The following SLC10A7 variants were observed in gnomAD, a reference collection of about 807,000 sequenced individuals.
SLC10A7 encodes solute carrier family 10 member 7.
A neutral mutation model predicts 43.2 loss-of-function variants in SLC10A7; 29 were observed. The ratio of observed to expected loss-of-function variants is 0.67; its 90% CI spans 0.50 to 0.92. The LOEUF (loss-of-function observed/expected upper bound fraction) is 0.92. Ranked by LOEUF, SLC10A7 falls within the 40% of genes least tolerant of loss-of-function variation. SLC10A7 has a pLI of 0.00. For synonymous variants in SLC10A7, 152 were observed against 144.8 expected (o/e 1.05, Z -0.35); for missense variants, 295 against 403.2 (o/e 0.73, Z 2.30).
chr4:146,267,777 C>T (rs1282093995), intron 10 of SLC10A7, among the ~76,000 whole-genome samples: 1 of 152,134 alleles, frequency 6.6e-6, no homozygotes, highest in Non-Finnish European at 1.5e-5. Flanking sequence ...AATTGGAGCT[C>T]TTTAATGATT....
chr4:146,424,173 T>G (rs1461951592), intron 5 of SLC10A7, among the ~76,000 whole-genome samples: 1 of 152,148 alleles, frequency 6.6e-6, no homozygotes, highest in Non-Finnish European at 1.5e-5. Context: ...CACCTCAGCC[T>G]CCAGAGTAGT....
chr4:146,511,609 A>G (rs990282982), intron 2 of SLC10A7, among the ~76,000 whole-genome samples: 1 of 152,228 alleles, frequency 6.6e-6, no homozygotes, highest in African/African-American at 2.4e-5. Flanking sequence ...TACACACAGC[A>G]GTTCCTTCCT....
At chr4:146,470,568 AC>A (rs1733479488) in intron 4 of SLC10A7, among the ~76,000 whole-genome samples, 1 of 152,292 alleles carries the variant, frequency 6.6e-6, no homozygotes, top group South Asian at 2.1e-4. Flanking sequence ...ATGCACAATT[AC>A]CTTTTTGGAA....
At chr4:146,449,295 C>T (rs1408094450) in intron 4 of SLC10A7, among the ~76,000 whole-genome samples, 1 of 152,130 alleles carries the variant, frequency 6.6e-6, no homozygotes, top group East Asian at 1.9e-4. Flanking sequence ...CAAGGAGAGA[C>T]AGTAAGCAGT....
chr4:146,410,482 C>T lies in SLC10A7; in HGVS notation c.435+32301G>A, dbSNP rs972838492. Among the ~76,000 whole-genome samples the T allele has an allele frequency of 4.6e-5, 7 of 152,224 alleles. No homozygotes were observed. In the East Asian group the frequency reaches 1.3e-3, roughly 29 times the overall value. ...AGGAAAGTAGACACACATAGACTTCCTACAATGAGCCAGGCCGACTGTTTT... is the reference window on the plus strand; with the variant it reads ...AGGAAAGTAGACACACATAGACTTCTTACAATGAGCCAGGCCGACTGTTTT... On this transcript the variant is annotated intron_variant, in intron 5 of 11. Coordinates refer to ENST00000335472, the MANE Select transcript of SLC10A7 (RefSeq NM_001029998.6).
chr4:146,480,601 G>A (rs561665969), intron 4 of SLC10A7, among the ~76,000 whole-genome samples: 2 of 151,542 alleles, frequency 1.3e-5, no homozygotes, highest in Non-Finnish European at 2.9e-5. Flanking sequence ...AATGAAGGCT[G>A]GTATATAATA....
chr4:146,397,844 G>A (rs754535288), intron 5 of SLC10A7, among the ~76,000 whole-genome samples: 3 of 152,196 alleles, frequency 2.0e-5, no homozygotes, highest in Non-Finnish European at 2.9e-5. Flanking sequence ...TCTGGGGTAT[G>A]ATTTAACAAT....
chr4:146,504,695 G>A (rs1406503391), intron 3 of SLC10A7, among the ~76,000 whole-genome samples: 1 of 152,068 alleles, frequency 6.6e-6, no homozygotes, highest in African/African-American at 2.4e-5. Flanking sequence ...CAAGACACAA[G>A]CTTACATCTT....
chr4:146,467,221 T>C (rs1733108994), intron 4 of SLC10A7, among the ~76,000 whole-genome samples: 1 of 152,178 alleles, frequency 6.6e-6, no homozygotes, highest in Admixed American at 6.5e-5. Flanking sequence ...TACCAGATTG[T>C]TAGCTCCCAG....
chr4:146,360,113 C>T (rs532575203), intron 5 of SLC10A7, among the ~76,000 whole-genome samples: 90 of 152,268 alleles, frequency 5.9e-4, no homozygotes, highest in African/African-American at 2.1e-3. Context: ...TCACCTGCTA[C>T]ATCTAATCAA....
At chr4:146,371,009 G>C (rs1394040533) in intron 5 of SLC10A7, among the ~76,000 whole-genome samples, 1 of 152,158 alleles carries the variant, frequency 6.6e-6, no homozygotes, top group Non-Finnish European at 1.5e-5. Context: ...AAGAACCTCA[G>C]AATTGAGTCA....
intron 5 of SLC10A7, among the ~76,000 whole-genome samples, chr4:146,329,146 T>C (rs1733360190): frequency 6.6e-6 from 1 of 152,220 alleles, no homozygotes; most frequent in Non-Finnish European, 1.5e-5. Flanking sequence ...GTTCCCAAAA[T>C]AGTAAAAGTT....
rs550407729 is a variant in SLC10A7, at chr4:146,304,823, T to C, written c.555+1103A>G. Among the ~76,000 whole-genome samples, 54 of 152,268 alleles carry C rather than the reference T, an allele frequency of 3.5e-4. 2 individuals are homozygous for C. In the South Asian group the frequency reaches 9.4e-3, roughly 26 times the overall value. ...GTATCCTTGTTGACTTTCTGTCTCG[T>C]TGATCTGTCTAATGTTGACAGTGGG... On this transcript the variant is annotated intron_variant, in intron 7 of 11. Coordinates refer to ENST00000335472, the MANE Select transcript of SLC10A7 (RefSeq NM_001029998.6).
rs972536946 is a variant in SLC10A7 at position 146,276,863 on chromosome 4, A to T, written c.847+6329T>A. ...CAGCTACTCAGGAGACTGAGGTAGG[A>T]GGATGGTTGGAGCCCAGGAGTTGGA... On this transcript the variant is annotated intron_variant, in intron 10 of 11. Transcript: ENST00000335472. Among the ~76,000 whole-genome samples, 7 of 152,048 alleles carry T rather than the reference A, an allele frequency of 4.6e-5. No individual in the cohort carries two copies. In the South Asian group the frequency reaches 1.5e-3, roughly 32 times the overall value.
chr4:146,320,055 G>A (rs948462655), intron 6 of SLC10A7, among the ~76,000 whole-genome samples: 1 of 152,010 alleles, frequency 6.6e-6, no homozygotes, highest in Non-Finnish European at 1.5e-5. Context: ...TGAAAAAAGA[G>A]GCACTGGAGA....
At chr4:146,362,478 A>C (rs778284227) in intron 5 of SLC10A7, among the ~76,000 whole-genome samples, 13 of 152,166 alleles carry the variant, frequency 8.5e-5, no homozygotes, top group Non-Finnish European at 1.5e-4. Flanking sequence ...AAAATATTTC[A>C]ACCTGTAATA....
chr4:146,445,493 G>T (rs757614730), intron 4 of SLC10A7, among the ~76,000 whole-genome samples: 4 of 152,136 alleles, frequency 2.6e-5, no homozygotes, highest in Admixed American at 1.3e-4. Context: ...CATCCAGGAG[G>T]GGGTGTCTGT....
intron 4 of SLC10A7, among the ~76,000 whole-genome samples, chr4:146,445,449 G>A (rs976178450): frequency 2.6e-5 from 4 of 152,182 alleles, no homozygotes; most frequent in African/African-American, 9.7e-5. Context: ...CCGCGGCAGT[G>A]TCCAAGTGTG....
intron 6 of SLC10A7, among the ~76,000 whole-genome samples, chr4:146,325,642 A>G (rs1389346052): frequency 1.3e-5 from 2 of 152,162 alleles, no homozygotes; most frequent in East Asian, 3.9e-4. Flanking sequence ...GGTCACTATC[A>G]ATCACTTTAG....
Sources: allele counts gnomAD v4.1 joint callset (sites outside exome capture counted in the v4.1 genomes callset), GRCh38; gene constraint gnomAD v4.1.1; transcripts MANE v1.5; gene names NCBI Gene and HGNC (gene_info 2026-07-23, HGNC 2026-07-21).